PRKN: variants seen among roughly 807,000 people sequenced by gnomAD.
The protein encoded by PRKN is parkin RBR E3 ubiquitin protein ligase.
A neutral mutation model predicts 59.5 loss-of-function variants in PRKN; 56 were observed. That is an observed-to-expected ratio of 0.94 (90% CI 0.76 to 1.18). PRKN has a LOEUF of 1.18. PRKN is among the 50% of genes most tolerant of loss of function. PRKN has a pLI of 0.00. For missense variants in PRKN, 657 were observed against 596.4 expected (o/e 1.10, Z -1.06); for synonymous variants, 250 against 222.1 (o/e 1.13, Z -1.12).
chr6:161,350,153 G>A lies in PRKN; in HGVS notation c.1344C>T (p.Asn448=), dbSNP rs1562386468. 2 of 1,613,622 alleles carry A rather than the reference G, an allele frequency of 1.2e-6. No homozygotes were observed. Among genetic ancestry groups the A allele is most frequent in the East Asian group, 2.2e-5 (1 of 44,856 alleles). ...QPQCRLEWCW[N]CGCEWNRVCM... The stretch of plus-strand genomic sequence containing the variant: ...AGACGCGGTTCCACTCGCAGCCACA[G>A]TTCCAGCACCACTCGAGCCTGCACT... Residue 448 remains asparagine (N), a synonymous_variant, in exon 12 of 12, where the codon AAC becomes AAT. Coordinates refer to ENST00000366898, the MANE Select transcript of PRKN (RefSeq NM_004562.3).
rs1207896906 is a variant in PRKN at position 161,468,549 on chromosome 6, A to T, written c.1083+80305T>A. Among the ~76,000 whole-genome samples, 1 of 152,184 alleles carries T rather than the reference A, an allele frequency of 6.6e-6. No homozygotes were observed. Among genetic ancestry groups the T allele is most frequent in the Non-Finnish European group, 1.5e-5 (1 of 68,040 alleles). On this transcript the variant is annotated intron_variant, in intron 9 of 11. Transcript: ENST00000366898. This position sits in a 1 kb window ranked among gnomAD's most constrained non-coding sequence, Gnocchi z 5.9. Reference sequence around the variant, plus strand: ...TGTTTAGAAACTTAAAAATGCATTCATCCTTTACTGAAATCTGCCCAATGT... The same window carrying T: ...TGTTTAGAAACTTAAAAATGCATTCTTCCTTTACTGAAATCTGCCCAATGT...
At chr6:162,530,189 T>C (rs550171789) in intron 1 of PRKN, among the ~76,000 whole-genome samples, 11 of 151,772 alleles carry the variant, frequency 7.2e-5, no homozygotes, top group South Asian at 4.2e-4. Flanking sequence ...GAGTTAATTA[T>C]TAGTTAACAT....
At chr6:162,403,040 G>C (rs1787876435) in intron 2 of PRKN, among the ~76,000 whole-genome samples, 1 of 152,070 alleles carries the variant, frequency 6.6e-6, no homozygotes, top group Non-Finnish European at 1.5e-5. Flanking sequence ...CTAGTCTCAA[G>C]GCTTTAAACA....
At chr6:161,888,457 C>G (rs1391312208) in intron 6 of PRKN, among the ~76,000 whole-genome samples, 1 of 152,176 alleles carries the variant, frequency 6.6e-6, no homozygotes, top group East Asian at 1.9e-4. Flanking sequence ...TACGGTCTTG[C>G]CATCCTCTCA....
At chr6:162,701,320 C>T (rs747124489) in intron 1 of PRKN, among the ~76,000 whole-genome samples, 32 of 152,034 alleles carry the variant, frequency 2.1e-4, no homozygotes, top group Non-Finnish European at 4.0e-4. Context: ...CCTTAAATAA[C>T]TATTGCACAA....
chr6:162,704,322 T>C (rs1366243193), intron 1 of PRKN, among the ~76,000 whole-genome samples: 1 of 152,184 alleles, frequency 6.6e-6, no homozygotes, highest in African/African-American at 2.4e-5. Context: ...GCCTCTGTGC[T>C]GGCACTCCTC....
At position 162,443,356 on chromosome 6, in the gene PRKN, C is replaced by G. The variant is rs368134308; in HGVS notation, c.125G>C (p.Arg42Pro). The change falls in exon 2 of 12, where the codon CGT becomes CCT. Residue 42 changes from arginine to proline, a missense_variant. Physicochemically the swap from Arg to Pro is moderately radical, Grantham distance 103 (BLOSUM62 -2). Coordinates refer to ENST00000366898, the MANE Select transcript of PRKN (RefSeq NM_004562.3). ...CAGCTCCTTCCCTGCGAAAATCACA[C>G]GCAACTGGTCAGCCGGAACCCCCTG... ...KRQGVPADQL[R>P]VIFAGKELRN... 67 of 1,613,226 alleles carry G rather than the reference C, an allele frequency of 4.2e-5. No individual in the cohort carries two copies. In the Middle Eastern group the frequency reaches 5.5e-4, roughly 13 times the overall value.
intron 9 of PRKN, among the ~76,000 whole-genome samples, chr6:161,528,253 C>T (rs1779082344): frequency 6.6e-6 from 1 of 152,126 alleles, no homozygotes; most frequent in Non-Finnish European, 1.5e-5. Context: ...TGGTAAACCT[C>T]CCAGCTACAA....
At chr6:161,749,661 G>T (rs556630376) in intron 7 of PRKN, among the ~76,000 whole-genome samples, 91 of 152,198 alleles carry the variant, frequency 6.0e-4, no homozygotes, top group Non-Finnish European at 1.2e-3. Flanking sequence ...AAACCCCTCT[G>T]AGAAGCTGTA....
At chr6:162,689,461 C>T (rs1777689805) in intron 1 of PRKN, among the ~76,000 whole-genome samples, 1 of 152,188 alleles carries the variant, frequency 6.6e-6, no homozygotes, top group Admixed American at 6.5e-5. Context: ...TGTATTAACA[C>T]AGAAATTCCT....
At chr6:162,297,593 G>T (rs1273271933) in intron 2 of PRKN, among the ~76,000 whole-genome samples, 2 of 151,996 alleles carry the variant, frequency 1.3e-5, no homozygotes, top group African/African-American at 2.4e-5. Context: ...AACTCCATCA[G>T]AAAATATATT....
At chr6:161,933,958 G>A (rs886185524) in intron 6 of PRKN, among the ~76,000 whole-genome samples, 11 of 152,252 alleles carry the variant, frequency 7.2e-5, no homozygotes, top group Non-Finnish European at 1.6e-4. Flanking sequence ...CACTTGGAGA[G>A]TGAATTGGAC....
intron 4 of PRKN, among the ~76,000 whole-genome samples, chr6:162,143,358 C>A (rs1449509529): frequency 6.6e-6 from 1 of 152,148 alleles, no homozygotes; most frequent in Non-Finnish European, 1.5e-5. Flanking sequence ...GCACTATGGA[C>A]TTGATGGCTG....
rs58192789 is a variant in PRKN at position 162,213,804 on chromosome 6, TACACACACACACACACACACAC to T, written c.413-12574_413-12553del. On this transcript the variant is annotated intron_variant, in intron 3 of 11. Transcript: ENST00000366898. Reference sequence around the variant, plus strand: ...TAAAAATATTTCCAAAAAAAAACCATACACACACACACACACACACACACACACACACACACACACACACACA... The same window carrying T: ...TAAAAATATTTCCAAAAAAAAACCATACACACACACACACACACACACACA... Among the ~76,000 whole-genome samples, 1,056 of 126,636 alleles carry T rather than the reference TACACACACACACACACACACAC, an allele frequency of 8.3e-3. 15 individuals are homozygous for T. Among genetic ancestry groups the T allele is most frequent in the East Asian group, 0.035 (164 of 4,670 alleles). 83.1% of individuals were successfully genotyped at this position (126,636 alleles called of 152,430 possible).
At chr6:162,712,499 G>T (rs932626278) in intron 1 of PRKN, among the ~76,000 whole-genome samples, 1 of 152,120 alleles carries the variant, frequency 6.6e-6, no homozygotes, top group African/African-American at 2.4e-5. Flanking sequence ...TGAGATTCAG[G>T]GGCAAAGGAA....
chr6:161,851,489 GT>G (rs372297900), intron 6 of PRKN, among the ~76,000 whole-genome samples: 11 of 147,562 alleles, frequency 7.5e-5, no homozygotes, highest in East Asian at 2.0e-4. Context: ...TGTTTTGTTT[GT>G]TTTTTTTTTG....
rs977640356 is a variant in PRKN at position 161,355,709 on chromosome 6, A to G, written c.1285+4379T>C. On this transcript the variant is annotated intron_variant, in intron 11 of 11. Coordinates refer to ENST00000366898, the MANE Select transcript of PRKN (RefSeq NM_004562.3). The surrounding 1 kb of genome is among the most constrained non-coding windows in gnomAD (Gnocchi z 6.8). ...GCGTGAGTCACCACGCCCGGCCTAC[A>G]AGCTAAGTTTTAATTCAGCAAATAT... Among the ~76,000 whole-genome samples the G allele has an allele frequency of 6.6e-6, 1 of 152,112 alleles. No homozygotes were observed. Among genetic ancestry groups the G allele is most frequent in the Admixed American group, 6.6e-5 (1 of 15,264 alleles).
intron 1 of PRKN, among the ~76,000 whole-genome samples, chr6:162,481,444 G>T (rs1460021214): frequency 1.3e-5 from 2 of 152,002 alleles, no homozygotes. Flanking sequence ...CACTACTGGT[G>T]GGGGAAAAAA....
intron 1 of PRKN, among the ~76,000 whole-genome samples, chr6:162,470,816 G>A (rs562359123): frequency 9.9e-5 from 15 of 151,934 alleles, no homozygotes; most frequent in Non-Finnish European, 2.1e-4. Flanking sequence ...GAATGCAGTG[G>A]TGCAATCTCG....
Sources: allele counts gnomAD v4.1 joint callset (sites outside exome capture counted in the v4.1 genomes callset), GRCh38; gene constraint gnomAD v4.1.1; non-coding constraint Gnocchi (gnomAD v3.1); transcripts MANE v1.5; gene names NCBI Gene and HGNC (gene_info 2026-07-23, HGNC 2026-07-21).